The following RALGPS1 variants were observed in gnomAD, a reference collection of about 807,000 sequenced individuals.
The protein encoded by RALGPS1 is Ral GEF with PH domain and SH3 binding motif 1.
RALGPS1 carries 19 observed loss-of-function variants against 78.8 expected under a neutral mutation model. The observed-to-expected ratio is 0.24, with a 90% CI of 0.17 to 0.35. The LOEUF is 0.35. Ranked by LOEUF, RALGPS1 falls within the 10% of genes least tolerant of loss-of-function variation. The probability of loss-of-function intolerance (pLI) is 1.00; values close to 1 mark genes in which losing one functional copy is unlikely to be tolerated. For synonymous variants in RALGPS1, 228 were observed against 256.3 expected (o/e 0.89, Z 1.06); for missense variants, 454 against 688.3 (o/e 0.66, Z 3.81).
At chr9:127,191,967 G>A (rs1483868457) in intron 11 of RALGPS1, among the ~76,000 whole-genome samples, 1 of 152,190 alleles carries the variant, frequency 6.6e-6, no homozygotes, top group Non-Finnish European at 1.5e-5. Context: ...AAAGTGCTGG[G>A]ATTAGAGGCG....
intron 1 of RALGPS1, among the ~76,000 whole-genome samples, chr9:126,932,327 A>G (rs2035866931): frequency 6.6e-6 from 1 of 152,230 alleles, no homozygotes; most frequent in African/African-American, 2.4e-5. Context: ...GAAAATTGAC[A>G]TCATCTATCA....
intron 10 of RALGPS1, among the ~76,000 whole-genome samples, chr9:127,173,072 TTC>T (rs1346988596): frequency 6.6e-6 from 1 of 152,226 alleles, no homozygotes; most frequent in Non-Finnish European, 1.5e-5. Context: ...GTTTTAGTCT[TTC>T]TCCTCTTCTG....
intron 11 of RALGPS1, among the ~76,000 whole-genome samples, chr9:127,176,291 G>A (rs188428356): frequency 3.9e-5 from 6 of 152,320 alleles, no homozygotes; most frequent in Non-Finnish European, 7.3e-5. Context: ...GTGGCCAGAA[G>A]GAAAGCTCCT....
At chr9:127,119,926 C>G (rs2055867565) in intron 8 of RALGPS1, among the ~76,000 whole-genome samples, 1 of 152,196 alleles carries the variant, frequency 6.6e-6, no homozygotes, top group African/African-American at 2.4e-5. Flanking sequence ...GCTTCAGTAG[C>G]CCCAGAGGCC....
chr9:126,962,782 T>A (rs1220946162), intron 2 of RALGPS1, among the ~76,000 whole-genome samples: 1 of 152,250 alleles, frequency 6.6e-6, no homozygotes, highest in Non-Finnish European at 1.5e-5. Flanking sequence ...TGGCCTGGGC[T>A]AGGGCCCCTG....
chr9:127,020,343 T>C (rs535118537), intron 4 of RALGPS1, among the ~76,000 whole-genome samples: 1 of 152,304 alleles, frequency 6.6e-6, no homozygotes, highest in Non-Finnish European at 1.5e-5. Flanking sequence ...TTCCAAAAAT[T>C]TCATTTTGTA....
chr9:127,108,943 C>G (rs545775019), intron 8 of RALGPS1, among the ~76,000 whole-genome samples: 1 of 152,308 alleles, frequency 6.6e-6, no homozygotes, highest in South Asian at 2.1e-4. Flanking sequence ...GGCAGCCATT[C>G]TGGAAGCAAG....
intron 7 of RALGPS1, among the ~76,000 whole-genome samples, chr9:127,062,124 G>A (rs1317390915): frequency 6.6e-6 from 1 of 152,100 alleles, no homozygotes; most frequent in East Asian, 1.9e-4. Context: ...TTGAGACGGA[G>A]TCTCGCTCTG....
chr9:127,119,882 A>C (rs2055861845), intron 8 of RALGPS1, among the ~76,000 whole-genome samples: 1 of 152,234 alleles, frequency 6.6e-6, no homozygotes, highest in African/African-American at 2.4e-5. Flanking sequence ...ACAGTGAGCC[A>C]CCATGGTTCC....
chr9:126,966,422 C>T (rs553660489), intron 3 of RALGPS1, among the ~76,000 whole-genome samples: 2 of 148,632 alleles, frequency 1.3e-5, no homozygotes, highest in Admixed American at 1.4e-4. Context: ...ACTCAGGAGA[C>T]AGGTGAGAGG....
At chr9:127,159,985 G>A (rs1227005444) in intron 8 of RALGPS1, among the ~76,000 whole-genome samples, 1 of 152,130 alleles carries the variant, frequency 6.6e-6, no homozygotes, top group African/African-American at 2.4e-5. Context: ...ATGCTGTAGA[G>A]GGTTTTTTTT....
chr9:127,050,504 T>C (rs2048210389), intron 6 of RALGPS1, among the ~76,000 whole-genome samples: 1 of 152,220 alleles, frequency 6.6e-6, no homozygotes, highest in Non-Finnish European at 1.5e-5. Flanking sequence ...GGATTTTAGT[T>C]AGCATCAATG....
At chr9:126,919,868 G>C (rs2034574046) in intron 1 of RALGPS1, among the ~76,000 whole-genome samples, 1 of 152,166 alleles carries the variant, frequency 6.6e-6, no homozygotes, top group Admixed American at 6.5e-5. Flanking sequence ...AGTGGGCCAG[G>C]TCGTGGGAGG....
chr9:127,212,952 C>G lies in RALGPS1; in HGVS notation c.1455C>G (p.Ser485=). Residue 485 remains serine (S), a synonymous_variant, in exon 17 of 19, where the codon TCC becomes TCG. Transcript: ENST00000259351. The surrounding 1 kb of genome is among the most constrained non-coding windows in gnomAD (Gnocchi z 6.0). ...LRGTDRKHYK[S]TPGKKVSIVG... ...TTGTTGCTCTCCTCCAGTATAAATC[C>G]ACACCTGGCAAAAAGGTTTCCATCG... 6.2e-7 allele frequency: 1 copy of G among 1,614,158 alleles called. No homozygotes were observed. The highest frequency in any genetic ancestry group is 8.5e-7 in the Non-Finnish European group (1 of 1,180,028).
intron 5 of RALGPS1, among the ~76,000 whole-genome samples, chr9:127,036,322 C>T (rs562594373): frequency 1.3e-4 from 20 of 152,346 alleles, no homozygotes; most frequent in Non-Finnish European, 2.5e-4. Flanking sequence ...GGGATGAACT[C>T]GTTGGCGTCC....
At chr9:127,089,862 C>A (rs1025052640) in intron 8 of RALGPS1, among the ~76,000 whole-genome samples, 9 of 152,240 alleles carry the variant, frequency 5.9e-5, no homozygotes, top group African/African-American at 2.2e-4. Flanking sequence ...GGGCCACTAT[C>A]TGCCAGCATT....
chr9:126,952,650 A>T (rs76926562), intron 1 of RALGPS1, among the ~76,000 whole-genome samples: 120 of 71,090 alleles, frequency 1.7e-3, no homozygotes, highest in South Asian at 6.7e-3. Flanking sequence ...AGAGAGAGAG[A>T]GAGAGAGTGT....
chr9:127,216,048 C>T (rs2062560750), intron 18 of RALGPS1: 1 of 152,232 alleles, frequency 6.6e-6, no homozygotes, highest in African/African-American at 2.4e-5. Context: ...GCATTTGGGT[C>T]CAGGAGGATG....
chr9:127,089,332 T>C (rs529553445), intron 8 of RALGPS1, among the ~76,000 whole-genome samples: 2 of 152,324 alleles, frequency 1.3e-5, no homozygotes, highest in Admixed American at 1.3e-4. Context: ...TGTAACTAAC[T>C]AGCTGTGTGA....
Sources: gnomAD v4.1 joint callset for allele counts (sites outside exome capture counted in the v4.1 genomes callset) on GRCh38, gnomAD v4.1.1 for gene constraint, Gnocchi (gnomAD v3.1) non-coding constraint, MANE v1.5 for transcripts, NCBI Gene and HGNC (gene_info 2026-07-23, HGNC 2026-07-21) for gene names.